The following ASPH variants were observed in gnomAD, a reference collection of about 807,000 sequenced individuals.
ASPH encodes aspartyl/asparaginyl beta-hydroxylase.
A neutral mutation model predicts 118.4 loss-of-function variants in ASPH; 100 were observed. That is an observed-to-expected ratio of 0.84 (90% confidence interval 0.72 to 1.00). The LOEUF (loss-of-function observed/expected upper bound fraction) is 1.00, where lower values mean the gene tolerates loss of function less well. Ranked by LOEUF, ASPH falls within the 50% of genes least tolerant of loss-of-function variation. The pLI is 0.00. For synonymous variants in ASPH, 315 were observed against 325.6 expected (o/e 0.97, Z 0.35); for missense variants, 920 against 919.5 (o/e 1.00, Z -0.01).
At chr8:61,646,373 C>T (rs944790184) in intron 6 of ASPH, among the ~76,000 whole-genome samples, 3 of 152,138 alleles carry the variant, frequency 2.0e-5, no homozygotes, top group African/African-American at 7.2e-5. Flanking sequence ...TTGTGTTTTG[C>T]TCACTGTAAT....
chr8:61,552,892 T>C (rs1355500443), intron 20 of ASPH, 139 bp downstream of exon 20: 1 of 661,710 alleles, frequency 1.5e-6, no homozygotes, highest in African/African-American at 1.8e-5. Flanking sequence ...AAAGATAGTT[T>C]AAGTAACTAA....
intron 14 of ASPH, among the ~76,000 whole-genome samples, chr8:61,594,238 AT>A (rs113903886): frequency 0.02 from 3,090 of 152,286 alleles, 113 homozygotes; most frequent in African/African-American, 0.069. Context: ...TGCACAACAC[AT>A]TTTTTAAATG....
At chr8:61,629,525 T>C (rs1011513926) in intron 13 of ASPH, among the ~76,000 whole-genome samples, 6 of 152,206 alleles carry the variant, frequency 3.9e-5, no homozygotes, top group African/African-American at 1.4e-4. Flanking sequence ...TCCAAAGTGA[T>C]TGGCCTATAA....
chr8:61,516,236 G>A (rs918652685), intron 24 of ASPH, among the ~76,000 whole-genome samples: 1 of 152,164 alleles, frequency 6.6e-6, no homozygotes, highest in Non-Finnish European at 1.5e-5. Flanking sequence ...CAAGTTGAGT[G>A]TCTGTGAGCA....
At chr8:61,613,608 A>G (rs948294443) in intron 14 of ASPH, among the ~76,000 whole-genome samples, 1 of 152,222 alleles carries the variant, frequency 6.6e-6, no homozygotes, top group Admixed American at 6.5e-5. Flanking sequence ...AGAGAAACAC[A>G]CTTTCTGGTC....
intron 9 of ASPH, 50 bp downstream of exon 9, chr8:61,643,336 G>T: frequency 6.4e-7 from 1 of 1,550,940 alleles, no homozygotes; most frequent in South Asian, 1.2e-5. Context: ...GCATGTGATT[G>T]AAAAATCTAA....
intron 16 of ASPH, among the ~76,000 whole-genome samples, chr8:61,575,162 T>A (rs1022588540): frequency 1.3e-5 from 2 of 152,246 alleles, no homozygotes; most frequent in South Asian, 4.1e-4. Flanking sequence ...CTTTCAGTCA[T>A]GTTACCTGCA....
intron 3 of ASPH, chr8:61,664,427 T>C (rs1818456974): frequency 3.1e-6 from 3 of 981,244 alleles, no homozygotes; most frequent in Non-Finnish European, 3.6e-6. Flanking sequence ...TAAATAAAAG[T>C]GTTCTGAAAC....
intron 1 of ASPH, among the ~76,000 whole-genome samples, chr8:61,699,225 C>T (rs2151850700): frequency 6.6e-6 from 1 of 152,352 alleles, no homozygotes; most frequent in East Asian, 1.9e-4. Flanking sequence ...AGGTGATGCC[C>T]TAACAGCGGC....
chr8:61,681,449 A>G (rs1828005515), intron 2 of ASPH, among the ~76,000 whole-genome samples: 1 of 151,786 alleles, frequency 6.6e-6, no homozygotes, highest in South Asian at 2.1e-4. Context: ...TCACACTATC[A>G]ATATCTGAAC....
intron 5 of ASPH, among the ~76,000 whole-genome samples, chr8:61,650,202 A>G (rs1177845213): frequency 6.6e-6 from 1 of 152,180 alleles, no homozygotes; most frequent in African/African-American, 2.4e-5. Flanking sequence ...GGAAGCCTGC[A>G]CTTGCTCATA....
intron 18 of ASPH, among the ~76,000 whole-genome samples, chr8:61,561,298 T>C (rs867766643): frequency 2.0e-5 from 3 of 152,188 alleles, no homozygotes; most frequent in Non-Finnish European, 4.4e-5. Flanking sequence ...GACAGGGCAT[T>C]GAGTGTTATG....
At chr8:61,631,220 T>G (rs1855449753) in intron 13 of ASPH, among the ~76,000 whole-genome samples, 1 of 152,136 alleles carries the variant, frequency 6.6e-6, no homozygotes, top group South Asian at 2.1e-4. Context: ...AAAATTTTAA[T>G]AAATTTACTG....
intron 18 of ASPH, among the ~76,000 whole-genome samples, chr8:61,560,857 A>T (rs562336718): frequency 3.3e-4 from 50 of 152,190 alleles, no homozygotes; most frequent in African/African-American, 1.2e-3. Context: ...GTATGCTGTC[A>T]GATCCTGCCC....
chr8:61,550,736 C>G lies in ASPH; in HGVS notation c.1626+2295G>C, dbSNP rs575901240. 3.9e-5 allele frequency among the ~76,000 whole-genome samples: 6 copies of G among 152,270 alleles called. No homozygotes were observed. In the East Asian group the frequency reaches 1.2e-3, roughly 29 times the overall value. ...TATTTTGCATGGTAGGCTTTTTGAG[C>G]ATAGGGTGGCTTGAAATAAACTGAG... On this transcript the variant is annotated intron_variant, in intron 20 of 24. Transcript: ENST00000379454.
intron 16 of ASPH, among the ~76,000 whole-genome samples, chr8:61,568,611 T>A (rs948298635): frequency 6.6e-5 from 10 of 151,740 alleles, no homozygotes; most frequent in African/African-American, 2.4e-4. Flanking sequence ...GAGGTCAGAG[T>A]AAGAGAAGTT....
At chr8:61,663,505 G>A (rs1043010938) in intron 3 of ASPH, 4 of 985,222 alleles carry the variant, frequency 4.1e-6, no homozygotes, top group South Asian at 4.7e-5. Flanking sequence ...TTAAGACTTA[G>A]GAAGTGAGCT....
chr8:61,678,081 A>T (rs1826231360), intron 3 of ASPH, among the ~76,000 whole-genome samples: 2 of 152,138 alleles, frequency 1.3e-5, no homozygotes, highest in South Asian at 4.1e-4. Context: ...TTCTCCTCCC[A>T]TCAGCTCACT....
At chr8:61,543,524 T>G (rs1822710346) in intron 21 of ASPH, among the ~76,000 whole-genome samples, 1 of 152,176 alleles carries the variant, frequency 6.6e-6, no homozygotes, top group Admixed American at 6.5e-5. Context: ...TTGTAATAAT[T>G]TCTTTTAAGT....
Sources: allele counts gnomAD v4.1 joint callset (sites outside exome capture counted in the v4.1 genomes callset), GRCh38; gene constraint gnomAD v4.1.1; transcripts MANE v1.5; gene names NCBI Gene and HGNC (gene_info 2026-07-23, HGNC 2026-07-21).